The following NEGR1 variants were observed in gnomAD, a reference collection of about 807,000 sequenced individuals.
The protein encoded by NEGR1 is IgLON family member 4.
In NEGR1, 10 loss-of-function variants were observed where a neutral mutation model predicts 40.9. The observed-to-expected ratio is 0.24, with a 90% CI of 0.15 to 0.42. The LOEUF is 0.42. Among genes scored for constraint, NEGR1 ranks in the 10% least tolerant of loss-of-function variants. NEGR1 has a pLI of 1.00. For missense variants in NEGR1, 352 were observed against 438.9 expected (o/e 0.80, Z 1.77); for synonymous variants, 185 against 166.8 (o/e 1.11, Z -0.84).
intron 1 of NEGR1, among the ~76,000 whole-genome samples, chr1:72,136,241 T>C (rs1312738920): frequency 6.6e-6 from 1 of 152,162 alleles, no homozygotes; most frequent in Non-Finnish European, 1.5e-5. Flanking sequence ...ATTATTGTTG[T>C]ATTTCAGATG....
intron 1 of NEGR1, among the ~76,000 whole-genome samples, chr1:72,258,633 T>C (rs1250351713): frequency 6.6e-6 from 1 of 152,174 alleles, no homozygotes; most frequent in East Asian, 1.9e-4. Flanking sequence ...TATATGTTTG[T>C]AATGAATGTA....
chr1:71,415,491 A>G (rs1646349441), intron 6 of NEGR1, among the ~76,000 whole-genome samples: 2 of 152,056 alleles, frequency 1.3e-5, no homozygotes, highest in Non-Finnish European at 2.9e-5. Context: ...TGCCTTGGTT[A>G]TTACCCACAT....
chr1:72,067,058 G>T (rs1050720910), intron 1 of NEGR1, among the ~76,000 whole-genome samples: 6 of 151,964 alleles, frequency 3.9e-5, no homozygotes, highest in African/African-American at 1.5e-4. Context: ...TTCATGTTAG[G>T]TGTATTGCAT....
intron 2 of NEGR1, among the ~76,000 whole-genome samples, chr1:71,809,398 C>A (rs968582914): frequency 6.6e-6 from 1 of 152,152 alleles, no homozygotes; most frequent in African/African-American, 2.4e-5. Context: ...CATGGTGAAG[C>A]AACAGTAAGC....
At chr1:71,848,349 C>T (rs1360274079) in intron 2 of NEGR1, among the ~76,000 whole-genome samples, 2 of 152,202 alleles carry the variant, frequency 1.3e-5, no homozygotes, top group African/African-American at 4.8e-5. Context: ...AAGATGTCAT[C>T]TAGGATATTC....
At chr1:71,544,805 T>C (rs1330631013) in intron 6 of NEGR1, among the ~76,000 whole-genome samples, 1 of 151,672 alleles carries the variant, frequency 6.6e-6, no homozygotes, top group Non-Finnish European at 1.5e-5. Context: ...TTTTACTTTA[T>C]AAGAACACAG....
intron 1 of NEGR1, among the ~76,000 whole-genome samples, chr1:72,268,623 A>G (rs1233114713): frequency 2.0e-5 from 3 of 151,534 alleles, no homozygotes; most frequent in Admixed American, 6.6e-5. Context: ...TACCTATAGG[A>G]AAAACTGTAC....
intron 4 of NEGR1, among the ~76,000 whole-genome samples, chr1:71,689,811 T>C (rs1321859831): frequency 1.3e-5 from 2 of 150,858 alleles, no homozygotes. Flanking sequence ...ATAAATTTAA[T>C]ATAATAAATA....
intron 6 of NEGR1, 154 bp from the exon 7 acceptor site, chr1:71,407,724 G>A: frequency 1.6e-6 from 1 of 613,506 alleles, no homozygotes; most frequent in Non-Finnish European, 2.8e-6. Context: ...ATGACAACGT[G>A]TGGGCTATGT....
At chr1:71,925,607 A>C (rs1320479274) in intron 2 of NEGR1, among the ~76,000 whole-genome samples, 1 of 152,200 alleles carries the variant, frequency 6.6e-6, no homozygotes, top group African/African-American at 2.4e-5. Flanking sequence ...TTCTCCTGCA[A>C]AATGTTATCT....
At chr1:71,750,285 G>A (rs532927124) in intron 3 of NEGR1, among the ~76,000 whole-genome samples, 2 of 152,134 alleles carry the variant, frequency 1.3e-5, no homozygotes, top group African/African-American at 2.4e-5. Flanking sequence ...GAGCCACCGC[G>A]CCCGGCCCTG....
chr1:71,603,873 A>AT (rs1194563037), intron 5 of NEGR1, among the ~76,000 whole-genome samples: 3 of 152,262 alleles, frequency 2.0e-5, no homozygotes, highest in East Asian at 1.9e-4. Flanking sequence ...GTTTTTGCTA[A>AT]TTTTTTTATT....
intron 1 of NEGR1, among the ~76,000 whole-genome samples, chr1:72,015,620 T>C (rs534596091): frequency 6.6e-6 from 1 of 152,246 alleles, no homozygotes; most frequent in East Asian, 1.9e-4. Flanking sequence ...TACTGAGCTG[T>C]GTTTTCACTA....
chr1:71,934,912 G>T (rs1645889622), intron 2 of NEGR1, among the ~76,000 whole-genome samples, 167 bp downstream of exon 2: 1 of 152,052 alleles, frequency 6.6e-6, no homozygotes, highest in African/African-American at 2.4e-5. Flanking sequence ...ACTTTCTGAT[G>T]TCTAGGAATG....
chr1:71,731,550 G>A (rs1654867821), intron 3 of NEGR1, among the ~76,000 whole-genome samples: 1 of 152,220 alleles, frequency 6.6e-6, no homozygotes, highest in African/African-American at 2.4e-5. Context: ...AGAGCAATAA[G>A]TGGAAAAGGA....
chr1:71,738,675 T>C lies in NEGR1; in HGVS notation c.535+37497A>G, dbSNP rs145449668. On this transcript the variant is annotated intron_variant, in intron 3 of 6. Transcript: ENST00000357731. ...TCAGTAGTGTCCTGCCTGTGTGTCC[T>C]GGCTCTGGCGGGGAGCCAGGACAAC... Among the ~76,000 whole-genome samples the C allele has an allele frequency of 4.5e-4, 69 of 152,092 alleles. No homozygotes were observed. The East Asian group carries it at 9.8e-3, about 22-fold the overall frequency.
intron 6 of NEGR1, among the ~76,000 whole-genome samples, chr1:71,521,459 C>A (rs1472244232): frequency 6.6e-6 from 1 of 151,946 alleles, no homozygotes; most frequent in Non-Finnish European, 1.5e-5. Flanking sequence ...TTGAGACATG[C>A]CTGAAGCCCT....
intron 6 of NEGR1, among the ~76,000 whole-genome samples, chr1:71,590,159 G>A (rs541333510): frequency 1.3e-5 from 2 of 152,106 alleles, no homozygotes; most frequent in South Asian, 4.2e-4. Flanking sequence ...GAGTCCTTGA[G>A]ACTGACTGAG....
chr1:71,969,823 A>C (rs1032536993), intron 1 of NEGR1, among the ~76,000 whole-genome samples: 1 of 152,236 alleles, frequency 6.6e-6, no homozygotes, highest in African/African-American at 2.4e-5. Flanking sequence ...TAAGATGATG[A>C]CATCAAGTCA....
Sources: allele counts gnomAD v4.1 joint callset (sites outside exome capture counted in the v4.1 genomes callset), GRCh38; gene constraint gnomAD v4.1.1; transcripts MANE v1.5; gene names NCBI Gene and HGNC (gene_info 2026-07-23, HGNC 2026-07-21).